The following ADAMTS17 variants were observed in gnomAD, a reference collection of about 807,000 sequenced individuals.
ADAMTS17 encodes ADAM metallopeptidase with thrombospondin type 1 motif 17.
In ADAMTS17, 113 loss-of-function variants were observed where a neutral mutation model predicts 141.5. The ratio of observed to expected loss-of-function variants is 0.80; its 90% CI spans 0.69 to 0.93. The LOEUF (loss-of-function observed/expected upper bound fraction) is 0.93. Ranked by LOEUF, ADAMTS17 falls within the 40% of genes least tolerant of loss-of-function variation. The pLI is 0.00. For missense variants in ADAMTS17, 1,659 were observed against 1,517.9 expected, an observed-to-expected ratio of 1.09 and a Z score of -1.54; for synonymous variants, 768 against 630.6, an observed-to-expected ratio of 1.22 and a Z score of -3.27.
At chr15:100,188,718 G>C (rs1051936322) in intron 8 of ADAMTS17, among the ~76,000 whole-genome samples, 3 of 152,210 alleles carry the variant, frequency 2.0e-5, no homozygotes, top group African/African-American at 7.2e-5. Context: ...CACCTGCTAA[G>C]AAACCTGTCT....
intron 4 of ADAMTS17, among the ~76,000 whole-genome samples, chr15:100,269,570 G>A (rs955409744): frequency 6.6e-6 from 1 of 152,200 alleles, no homozygotes; most frequent in African/African-American, 2.4e-5. Context: ...TGAAACCTCA[G>A]TGGATAGAGA....
chr15:100,247,119 T>G (rs904937079), intron 7 of ADAMTS17, among the ~76,000 whole-genome samples: 7 of 152,222 alleles, frequency 4.6e-5, no homozygotes, highest in Non-Finnish European at 8.8e-5. Context: ...ACTCCTGACC[T>G]CAAGTGATCC....
chr15:100,187,494 G>A (rs113824355), intron 8 of ADAMTS17, among the ~76,000 whole-genome samples: 19 of 152,278 alleles, frequency 1.2e-4, no homozygotes, highest in African/African-American at 3.4e-4. Context: ...AGCTTCTCTG[G>A]ACATATGATT....
At chr15:100,017,944 T>C (rs1271204927) in intron 18 of ADAMTS17, among the ~76,000 whole-genome samples, 1 of 152,240 alleles carries the variant, frequency 6.6e-6, no homozygotes, top group Non-Finnish European at 1.5e-5. Context: ...CAAATCCATT[T>C]GTAAGCTGTA....
Position 100,027,549 on chromosome 15 carries a change from A to G in ADAMTS17, c.2591+21308T>C, listed in dbSNP as rs1469151758. ...TCTTGGTGAATACAGTTTTATTAGAATACAGCCCTGTCTATTTGTCTATAC... is the reference window on the plus strand; with the variant it reads ...TCTTGGTGAATACAGTTTTATTAGAGTACAGCCCTGTCTATTTGTCTATAC... On this transcript the variant is annotated intron_variant, in intron 18 of 21. Transcript: ENST00000268070. Among the ~76,000 whole-genome samples, 3 of 152,272 alleles carry G rather than the reference A, an allele frequency of 2.0e-5. No homozygotes were observed. In the East Asian group the frequency reaches 5.8e-4, roughly 29 times the overall value.
intron 20 of ADAMTS17, among the ~76,000 whole-genome samples, chr15:99,985,781 C>T (rs1235328641): frequency 6.6e-6 from 1 of 152,188 alleles, no homozygotes; most frequent in African/African-American, 2.4e-5. Flanking sequence ...GGGTGAGGGT[C>T]CAATGAGATA....
chr15:100,089,099 A>G lies in ADAMTS17; in HGVS notation c.2137+7257T>C, dbSNP rs1022354318. Reference sequence around the variant, plus strand: ...TTTTGCAATCTACTCATCTGACAAAAGGCTAATATCCAGAATCTACAATGA... The same window carrying G: ...TTTTGCAATCTACTCATCTGACAAAGGGCTAATATCCAGAATCTACAATGA... On this transcript the variant is annotated intron_variant, in intron 15 of 21. Coordinates refer to ENST00000268070, the MANE Select transcript of ADAMTS17 (RefSeq NM_139057.4). 1.2e-4 allele frequency among the ~76,000 whole-genome samples: 19 copies of G among 152,122 alleles called. 1 individual carries two copies. The highest frequency in any genetic ancestry group is 3.1e-4 in the African/African-American group (13 of 41,476).
At chr15:100,047,772 G>A (rs758376560) in intron 18 of ADAMTS17, among the ~76,000 whole-genome samples, 1 of 152,162 alleles carries the variant, frequency 6.6e-6, no homozygotes, top group African/African-American at 2.4e-5. Context: ...AGTCTTTACA[G>A]TGGCAAATCC....
chr15:100,025,430 G>C (rs74317206), intron 18 of ADAMTS17, among the ~76,000 whole-genome samples: 1 of 80,470 alleles, frequency 1.2e-5, no homozygotes, highest in South Asian at 3.7e-4. Flanking sequence ...TTTTTTTTTT[G>C]AGACAGACTT....
chr15:100,037,132 AT>A (rs201546885), intron 18 of ADAMTS17, among the ~76,000 whole-genome samples: 8 of 150,656 alleles, frequency 5.3e-5, no homozygotes, highest in African/African-American at 1.9e-4. Context: ...GAACTACCAG[AT>A]TTTTTTTAAA....
At position 100,116,998 on chromosome 15, in the gene ADAMTS17, G is replaced by T; in HGVS notation, c.1737C>A (p.Gly579=). The T allele has an allele frequency of 6.2e-7, 1 of 1,612,246 alleles. No individual in the cohort carries two copies. Among genetic ancestry groups the T allele is most frequent in the South Asian group, 1.1e-5 (1 of 90,800 alleles). ...CTACACTGGCACCCGGGCAGTGTGT[G>T]CCTCCAGGCCCAGGGCTAGAAGGAA... ...KCDNPPPGPG[G]THCPGASVEH... is the part of the protein sequence containing the mutation. Residue 579 remains glycine (G), a synonymous_variant, in exon 13 of 22, where the codon GGC becomes GGA. Transcript: ENST00000268070.
intron 18 of ADAMTS17, among the ~76,000 whole-genome samples, chr15:100,017,986 T>C (rs905993027): frequency 6.6e-6 from 1 of 152,206 alleles, no homozygotes; most frequent in African/African-American, 2.4e-5. Context: ...ATTTAAATTA[T>C]TGTATAGACA....
chr15:100,297,274 C>A (rs1420958450), intron 3 of ADAMTS17, among the ~76,000 whole-genome samples: 2 of 152,122 alleles, frequency 1.3e-5, no homozygotes, highest in African/African-American at 4.8e-5. Flanking sequence ...ATGGGCAGGG[C>A]AAACAGGCAG....
intron 7 of ADAMTS17, among the ~76,000 whole-genome samples, chr15:100,227,187 C>T (rs113571592): frequency 2.6e-5 from 4 of 152,290 alleles, no homozygotes; most frequent in African/African-American, 9.6e-5. Context: ...TCAACCATCT[C>T]CTGAACACTT....
At chr15:100,048,086 C>T (rs772766176) in intron 18 of ADAMTS17, among the ~76,000 whole-genome samples, 10 of 152,054 alleles carry the variant, frequency 6.6e-5, no homozygotes, top group African/African-American at 1.4e-4. Context: ...ACTAGGCAAG[C>T]GGCACAAATT....
At chr15:100,010,493 G>T (rs1385599404) in intron 18 of ADAMTS17, among the ~76,000 whole-genome samples, 1 of 152,200 alleles carries the variant, frequency 6.6e-6, no homozygotes, top group Non-Finnish European at 1.5e-5. Flanking sequence ...CTGCAACACT[G>T]TTCTCCACGT....
chr15:100,140,505 A>ATATATATATATATATATATATATATATC (rs2038585318), intron 10 of ADAMTS17, among the ~76,000 whole-genome samples: 1 of 148,124 alleles, frequency 6.8e-6, no homozygotes, highest in Non-Finnish European at 1.5e-5. Flanking sequence ...ATATATATAT[A>ATATATATATATATATATATATATATATC]TATCCAGTAA....
chr15:99,985,525 C>G (rs763556851), intron 20 of ADAMTS17, among the ~76,000 whole-genome samples: 2 of 152,184 alleles, frequency 1.3e-5, no homozygotes, highest in Admixed American at 1.3e-4. Flanking sequence ...TTTGGGGGAG[C>G]AGATTGTGAT....
In ADAMTS17 at chr15:100,053,885, C is replaced by T; in HGVS notation, c.2295+12G>A. On this transcript the variant is annotated intron_variant, in intron 16 of 21. Coordinates refer to ENST00000268070, the MANE Select transcript of ADAMTS17 (RefSeq NM_139057.4). ...CACCCCCTAAGACAAGTGTGGAAGCCCAGCAAGTTACCATCAAGTGCAGCG... is the reference window on the plus strand; with the variant it reads ...CACCCCCTAAGACAAGTGTGGAAGCTCAGCAAGTTACCATCAAGTGCAGCG... 1 of 1,614,128 alleles carries T rather than the reference C, an allele frequency of 6.2e-7. No individual in the cohort carries two copies. Among genetic ancestry groups the T allele is most frequent in the Non-Finnish European group, 8.5e-7 (1 of 1,180,020 alleles).
Sources: gnomAD v4.1 joint callset for allele counts (sites outside exome capture counted in the v4.1 genomes callset) on GRCh38, gnomAD v4.1.1 for gene constraint, MANE v1.5 for transcripts, NCBI Gene and HGNC (gene_info 2026-07-23, HGNC 2026-07-21) for gene names.